PGR: variants seen among roughly 807,000 people sequenced by gnomAD.
The protein encoded by PGR is nuclear receptor subfamily 3 group C member 3.
PGR carries 25 observed loss-of-function variants against 76.1 expected under a neutral mutation model. That is an observed-to-expected ratio of 0.33 (90% CI 0.24 to 0.46). The LOEUF (loss-of-function observed/expected upper bound fraction) is 0.46, where lower values mean the gene tolerates loss of function less well. PGR is among the 20% of genes least tolerant of loss of function. The pLI, the probability that PGR is intolerant of heterozygous loss-of-function variation, is 1.00. For synonymous variants in PGR, 579 were observed against 535.0 expected, an observed-to-expected ratio of 1.08 and a Z score of -1.14; for missense variants, 1,172 against 1,225.3, an observed-to-expected ratio of 0.96 and a Z score of 0.65.
chr11:101,101,586 C>T (rs1861999628), intron 2 of PGR, among the ~76,000 whole-genome samples: 1 of 152,106 alleles, frequency 6.6e-6, no homozygotes, highest in Admixed American at 6.5e-5. Context: ...TTAAAATACT[C>T]CTCCATTTTC....
rs575741245 is a variant in PGR, at chr11:101,036,509, G to A, written c.*2607C>T. The A allele has an allele frequency of 2.0e-4, 40 of 199,784 alleles. 1 individual carries two copies. The South Asian group carries it at 6.9e-3, about 34-fold the overall frequency. 12.4% of individuals were successfully genotyped at this position (199,784 alleles called of 1,614,324 possible). ...ATTTTAGAGCTACCAGAAAGAACAC[G>A]ACATGTAAAATGAAGATAATGGTTA... is the stretch of plus-strand genomic sequence containing the variant. On this transcript the variant is annotated 3_prime_UTR_variant, in exon 8 of 8. Transcript: ENST00000325455.
intron 2 of PGR, among the ~76,000 whole-genome samples, chr11:101,099,909 G>A (rs764130850): frequency 2.6e-5 from 4 of 152,188 alleles, no homozygotes; most frequent in Non-Finnish European, 5.9e-5. Flanking sequence ...CTGTCATTGG[G>A]TGAGTGTAGG....
Position 101,033,995 on chromosome 11 carries a change from A to T in PGR, c.*5121T>A, listed in dbSNP as rs1213727932. The T allele has an allele frequency of 4.4e-6, 1 of 229,624 alleles. No homozygotes were observed. The highest frequency in any genetic ancestry group is 8.6e-6 in the Non-Finnish European group (1 of 115,882). The allele number at this position is 229,624 out of a possible 1,614,324, so 14.2% of individuals were successfully genotyped here. On this transcript the variant is annotated 3_prime_UTR_variant, in exon 8 of 8. Transcript: ENST00000325455. Reference sequence around the variant, plus strand: ...CCATTTAAATATTTTATTCATATCTATCCGAATATTGACCAGGACACTAAT... The same window carrying T: ...CCATTTAAATATTTTATTCATATCTTTCCGAATATTGACCAGGACACTAAT...
chr11:101,115,222 A>G (rs1862465067), intron 2 of PGR, among the ~76,000 whole-genome samples: 1 of 152,096 alleles, frequency 6.6e-6, no homozygotes, highest in African/African-American at 2.4e-5. Flanking sequence ...CTTGCTATCA[A>G]AAATTTCATG....
intron 2 of PGR, among the ~76,000 whole-genome samples, chr11:101,116,153 A>C (rs1313986024): frequency 6.6e-6 from 1 of 152,164 alleles, no homozygotes; most frequent in East Asian, 1.9e-4. Flanking sequence ...TTGAATATTG[A>C]GATTGTGTGT....
chr11:101,047,911 G>A (rs1346651018), intron 6 of PGR, among the ~76,000 whole-genome samples: 1 of 152,094 alleles, frequency 6.6e-6, no homozygotes, highest in African/African-American at 2.4e-5. Context: ...GGTGATCAAT[G>A]CAATGCTTTA....
chr11:101,104,983 GCT>G (rs1468651029), intron 2 of PGR, among the ~76,000 whole-genome samples: 1 of 152,170 alleles, frequency 6.6e-6, no homozygotes, highest in Non-Finnish European at 1.5e-5. Flanking sequence ...GAAGCTGGAA[GCT>G]GGAATGGGTT....
chr11:101,049,761 A>C lies in PGR; in HGVS notation c.2488+168T>G, dbSNP rs1860025375. Among the ~76,000 whole-genome samples the C allele has an allele frequency of 1.3e-5, 2 of 152,186 alleles. 1 individual carries two copies. Among genetic ancestry groups the C allele is most frequent in the South Asian group, 4.1e-4 (2 of 4,834 alleles). On this transcript the variant is annotated intron_variant, in intron 6 of 7. Transcript: ENST00000325455. ...TTATATGGTAGGTAAAAGATGAAAA[A>C]ATCCAGTAATTTTATTAATGTCTAT... is the stretch of plus-strand genomic sequence containing the variant.
At chr11:101,127,324 C>T (rs1862872106) in intron 1 of PGR, 110 bp downstream of exon 1, 7 of 801,620 alleles carry the variant, frequency 8.7e-6, no homozygotes, top group Non-Finnish European at 1.3e-5. Flanking sequence ...TCCGGCCGCC[C>T]CGGGGAGCGC....
intron 4 of PGR, among the ~76,000 whole-genome samples, chr11:101,058,991 C>T (rs1405121873): frequency 6.6e-6 from 1 of 152,062 alleles, no homozygotes; most frequent in African/African-American, 2.4e-5. Context: ...TAATTACTAC[C>T]CTATGGGGAG....
rs1862931003 is a variant in PGR, at chr11:101,127,960, C to T, written c.1111G>A (p.Asp371Asn). The T allele has an allele frequency of 6.2e-7, 1 of 1,612,124 alleles. No individual in the cohort carries two copies. The highest frequency in any genetic ancestry group is 8.5e-7 in the Non-Finnish European group (1 of 1,179,818). ...TCGCTATAGAGAGGGTACGCGTCGT[C>T]CTTGGGCTCGGCGTCGGGCGGGTAC... ...CAYPPDAEPK[D>N]DAYPLYSDFQ... The change falls in exon 1 of 8, where the codon GAC (aspartate) becomes AAC (asparagine). Residue 371 changes from aspartate to asparagine, a missense_variant. Coordinates refer to ENST00000325455, the MANE Select transcript of PGR (RefSeq NM_000926.4).
chr11:101,091,580 G>A (rs1388620242), intron 3 of PGR, among the ~76,000 whole-genome samples, 180 bp downstream of exon 3: 1 of 152,206 alleles, frequency 6.6e-6, no homozygotes, highest in Non-Finnish European at 1.5e-5. Flanking sequence ...CTAGAAAACT[G>A]TAAAGTTAAT....
chr11:101,108,566 C>T (rs1404892496), intron 2 of PGR, among the ~76,000 whole-genome samples: 4 of 152,200 alleles, frequency 2.6e-5, no homozygotes, highest in Admixed American at 2.6e-4. Flanking sequence ...CAATCAGTTG[C>T]TAATATCATC....
rs1242844495 is a variant in PGR, at chr11:101,129,133, G to A, written c.-63C>T. ...GGAGGAGGGAAAAGGGAAGGAGGAG[G>A]GGGTTTCGGGAATATAGGGGCAGAG... On this transcript the variant is annotated 5_prime_UTR_variant, in exon 1 of 8. Coordinates refer to ENST00000325455, the MANE Select transcript of PGR (RefSeq NM_000926.4). 2.2e-6 allele frequency: 3 copies of A among 1,393,040 alleles called. No individual in the cohort carries two copies. Among genetic ancestry groups the A allele is most frequent in the East Asian group, 2.6e-5 (1 of 38,420 alleles). 86.3% of individuals were successfully genotyped at this position (1,393,040 alleles called of 1,614,324 possible).
Position 101,070,597 on chromosome 11 carries a change from C to G in PGR, c.1907-7845G>C, listed in dbSNP as rs527362087. On this transcript the variant is annotated intron_variant, in intron 3 of 7. Transcript: ENST00000325455. ...TGGCTTGAAATTCTCGCTGCCAGCA[C>G]AGCAGTGTGAAGTCGACCTGGGACG... 3.9e-5 allele frequency among the ~76,000 whole-genome samples: 6 copies of G among 152,324 alleles called. No homozygotes were observed. The South Asian group carries it at 1.2e-3, about 32-fold the overall frequency.
Position 101,128,045 on chromosome 11 carries a change from C to T in PGR, c.1026G>A (p.Pro342=). 1 of 1,604,856 alleles carries T rather than the reference C, an allele frequency of 6.2e-7. No homozygotes were observed. The change falls in exon 1 of 8, where the codon CCG becomes CCA. Residue 342 remains proline, a synonymous_variant. Transcript: ENST00000325455. ...TGGACGAGGCACAGGGTGAACTCCG[C>T]GGCGGGGCAAAGGCGCTGGCAGCCC... is the stretch of plus-strand genomic sequence containing the variant. The part of the protein sequence containing the change: ...GAGAASAFAP[P]RSSPCASSTP...
Position 101,128,805 on chromosome 11 carries a change from C to T in PGR, c.266G>A (p.Arg89Lys). 1 of 1,614,190 alleles carries T rather than the reference C, an allele frequency of 6.2e-7. No individual in the cohort carries two copies. Among genetic ancestry groups the T allele is most frequent in the Non-Finnish European group, 8.5e-7 (1 of 1,180,040 alleles). ...TCCAGCACCCCTTGTAGCTTCAGCTCTGGAATATGCGCCCTCCACGTCCGA... is the reference window on the plus strand; with the variant it reads ...TCCAGCACCCCTTGTAGCTTCAGCTTTGGAATATGCGCCCTCCACGTCCGA... ...SLSDVEGAYS[R>K]AEATRGAGGS... Residue 89 changes from arginine (R) to lysine (K), a missense_variant, in exon 1 of 8, where the codon AGA (arginine) becomes AAA (lysine). By Grantham distance (26) the Arg-to-Lys change is conservative. Around this residue, in one of 4 missense-constraint regions of PGR, gnomAD observed 893 missense variants for 785.9 expected, o/e 1.14. Transcript: ENST00000325455.
chr11:101,121,686 C>T (rs1213601992), intron 2 of PGR, among the ~76,000 whole-genome samples: 3 of 152,150 alleles, frequency 2.0e-5, no homozygotes, highest in Non-Finnish European at 4.4e-5. Context: ...CATGTGTACA[C>T]AAATAGGTAA....
intron 3 of PGR, among the ~76,000 whole-genome samples, chr11:101,066,641 T>A (rs993601881): frequency 2.6e-5 from 4 of 152,210 alleles, no homozygotes; most frequent in African/African-American, 9.6e-5. Flanking sequence ...CAAATTAATA[T>A]GTTTAGAGCA....
Sources: gnomAD v4.1 joint callset for allele counts (sites outside exome capture counted in the v4.1 genomes callset) on GRCh38, gnomAD v4.1.1 for gene constraint, gnomAD v4.1.1 regional missense constraint, MANE v1.5 for transcripts, NCBI Gene and HGNC (gene_info 2026-07-23, HGNC 2026-07-21) for gene names.